Variants in POLR2F observed in about 807,000 individuals in gnomAD.
POLR2F encodes the protein RNA polymerase II, I and III subunit F.
A neutral mutation model predicts 22.7 loss-of-function variants in POLR2F; 12 were observed. The ratio of observed to expected loss-of-function variants is 0.53; its 90% CI spans 0.34 to 0.86. POLR2F has a LOEUF of 0.86. POLR2F is among the 40% of genes least tolerant of loss of function. The pLI, the probability that POLR2F is intolerant of heterozygous loss-of-function variation, is 0.02. For missense variants in POLR2F, 126 were observed against 171.5 expected, an observed-to-expected ratio of 0.73 and a Z score of 1.48; for synonymous variants, 57 against 66.0, an observed-to-expected ratio of 0.86 and a Z score of 0.66.
At chr22:37,962,257 AC>A (rs1398044965) in intron 3 of POLR2F, among the ~76,000 whole-genome samples, 1 of 151,970 alleles carries the variant, frequency 6.6e-6, no homozygotes, top group Non-Finnish European at 1.5e-5. Context: ...CAAAAAAAAA[AC>A]AAAGGAAAGC....
intron 1 of POLR2F, among the ~76,000 whole-genome samples, chr22:37,991,466 T>C (rs1397499806): frequency 6.6e-6 from 1 of 152,246 alleles, no homozygotes; most frequent in African/African-American, 2.4e-5. Context: ...GTAAAAGAGA[T>C]GCATTGCCTC....
chr22:37,981,774 G>A (rs1601885433), upstream of POLR2F, among the ~76,000 whole-genome samples: 2 of 152,350 alleles, frequency 1.3e-5, no homozygotes, highest in Non-Finnish European at 2.9e-5. Context: ...CTTGGGTGGA[G>A]GAGCTAGCTG....
At position 37,978,031 on chromosome 22, in the gene POLR2F, C is replaced by T. The variant is rs2145768407; in HGVS notation, c.293+10861C>T. 2 of 1,611,284 alleles carry T rather than the reference C, an allele frequency of 1.2e-6. No homozygotes were observed. Among genetic ancestry groups the T allele is most frequent in the East Asian group, 2.2e-5 (1 of 44,822 alleles). On this transcript the variant is annotated intron_variant, in intron 4 of 4. Coordinates refer to the POLR2F transcript ENST00000405557. This position sits in a 1 kb window ranked among gnomAD's most constrained non-coding sequence, Gnocchi z 5.0. ...GCCCTGGGCGGCCTTCCCGTTCTTCCGCCGCCTGGGCTGGTACTTGTAGTC... is the reference window on the plus strand; with the variant it reads ...GCCCTGGGCGGCCTTCCCGTTCTTCTGCCGCCTGGGCTGGTACTTGTAGTC...
intron 2 of POLR2F, 105 bp downstream of exon 2, chr22:37,956,947 C>A: frequency 1.1e-6 from 1 of 884,256 alleles, no homozygotes; most frequent in Admixed American, 1.9e-5. Flanking sequence ...TGGTCAAGGC[C>A]CCTGCCATAA....
chr22:38,033,551 C>T lies in POLR2F; in HGVS notation c.453-7517C>T, dbSNP rs1465792688. ...CCAATCACCAGTGCCCACAGAGCCT[C>T]GCCAAGGCAAGCCCTGCTGGGCTGG... On this transcript the variant is annotated intron_variant, in intron 5 of 5. Transcript: ENST00000407936. Among the ~76,000 whole-genome samples, 5 of 152,214 alleles carry T rather than the reference C, an allele frequency of 3.3e-5. No homozygotes were observed. The South Asian group carries it at 6.2e-4, about 19-fold the overall frequency.
At chr22:38,037,282 T>C (rs1365665020) in intron 5 of POLR2F, among the ~76,000 whole-genome samples, 5 of 152,142 alleles carry the variant, frequency 3.3e-5, no homozygotes, top group Admixed American at 6.5e-5. Flanking sequence ...TGTTATGTCA[T>C]GTTATTTTTG....
At chr22:37,958,007 G>A (rs1012571337) in intron 2 of POLR2F, among the ~76,000 whole-genome samples, 7 of 152,008 alleles carry the variant, frequency 4.6e-5, no homozygotes, top group Admixed American at 3.3e-4. Flanking sequence ...TTGTTTGCTT[G>A]TTTTAAATTA....
At chr22:37,973,394 A>C (rs1932116988), downstream of POLR2F, 1 of 797,658 alleles carries the variant, frequency 1.3e-6, no homozygotes, top group African/African-American at 1.7e-5. Flanking sequence ...CAGCCTCCTC[A>C]GCCTCCTCCA....
rs1422178648 is a variant in POLR2F, at chr22:38,016,731, C to A, written c.121-9138C>A. On this transcript the variant is annotated intron_variant, in intron 1 of 2. Transcript: ENST00000333418. This position sits in a 1 kb window ranked among gnomAD's most constrained non-coding sequence, Gnocchi z 4.4. ...GTGGAAAGAGTGCTGGCACGCACCG[C>A]GGGGGGAGGGGGCGGGAGGGGGCCG... Among the ~76,000 whole-genome samples the A allele has an allele frequency of 1.8e-5, 1 of 56,356 alleles. No individual in the cohort carries two copies. The allele number at this position is 56,356 out of a possible 152,430, so 37.0% of individuals were successfully genotyped here.
At chr22:37,965,267 A>C (rs1444164779) in intron 3 of POLR2F, among the ~76,000 whole-genome samples, 1 of 151,612 alleles carries the variant, frequency 6.6e-6, no homozygotes, top group Non-Finnish European at 1.5e-5. Context: ...TCAGCCTCCC[A>C]AAGTGCTGTG....
chr22:38,014,339 G>T (rs954495966), intron 1 of POLR2F, among the ~76,000 whole-genome samples: 22 of 151,192 alleles, frequency 1.5e-4, no homozygotes, highest in African/African-American at 5.1e-4. Context: ...GCTCTGGCTA[G>T]GACTTATTTT....
intron 3 of POLR2F, among the ~76,000 whole-genome samples, chr22:37,963,316 T>A (rs527831797): frequency 1.3e-5 from 2 of 152,150 alleles, no homozygotes; most frequent in African/African-American, 4.8e-5. Context: ...TTAGAGACAG[T>A]TTGGCTCTAT....
chr22:38,027,914 C>A (rs1372648406), downstream of POLR2F, among the ~76,000 whole-genome samples: 2 of 152,194 alleles, frequency 1.3e-5, no homozygotes, highest in Non-Finnish European at 2.9e-5. Flanking sequence ...TTAATCATAA[C>A]CACCTTACAA....
At chr22:38,013,991 G>T (rs903400599) in intron 1 of POLR2F, among the ~76,000 whole-genome samples, 1 of 151,652 alleles carries the variant, frequency 6.6e-6, no homozygotes, top group African/African-American at 2.4e-5. Context: ...GCATGATGGC[G>T]CATGCCTGTA....
downstream of POLR2F, chr22:37,973,272 TCTC>T (rs1352888893): frequency 2.9e-5 from 15 of 514,042 alleles, no homozygotes; most frequent in African/African-American, 3.8e-5. Context: ...TCAACCTCCT[TCTC>T]CTCTGTCCAG....
At chr22:37,962,438 G>A (rs1182365554) in intron 3 of POLR2F, among the ~76,000 whole-genome samples, 8 of 152,060 alleles carry the variant, frequency 5.3e-5, no homozygotes, top group African/African-American at 1.4e-4. Flanking sequence ...GGACAACATT[G>A]TTCTCCCCCA....
intron 5 of POLR2F, among the ~76,000 whole-genome samples, chr22:38,038,949 G>A (rs2085144354): frequency 6.6e-6 from 1 of 152,092 alleles, no homozygotes; most frequent in South Asian, 2.1e-4. Context: ...CGTAGGGGGC[G>A]GCTGGGGCTC....
At chr22:37,989,696 C>T (rs1932681697) in intron 1 of POLR2F, among the ~76,000 whole-genome samples, 2 of 152,342 alleles carry the variant, frequency 1.3e-5, no homozygotes, top group East Asian at 1.9e-4. Context: ...AGTGACAGGC[C>T]TGAGCTCGCC....
At chr22:38,013,958 A>G (rs2084893566) in intron 1 of POLR2F, among the ~76,000 whole-genome samples, 1 of 152,026 alleles carries the variant, frequency 6.6e-6, no homozygotes, top group African/African-American at 2.4e-5. Context: ...CCCCGTCTCT[A>G]CTAAAAATAC....
Sources: gnomAD v4.1 joint callset for allele counts (sites outside exome capture counted in the v4.1 genomes callset) on GRCh38, gnomAD v4.1.1 for gene constraint, Gnocchi (gnomAD v3.1) non-coding constraint, MANE v1.5 for transcripts, NCBI Gene and HGNC (gene_info 2026-07-23, HGNC 2026-07-21) for gene names.